The following NPAS3 variants were observed in gnomAD, a reference collection of about 807,000 sequenced individuals.
NPAS3 encodes neuronal PAS domain-containing protein 3.
NPAS3 carries 14 observed loss-of-function variants against 73.1 expected under a neutral mutation model. That is an observed-to-expected ratio of 0.19 (90% CI 0.13 to 0.30). The LOEUF (loss-of-function observed/expected upper bound fraction) is 0.30. Among genes scored for constraint, NPAS3 ranks in the 10% least tolerant of loss-of-function variants. The pLI is 1.00. For synonymous variants in NPAS3, 620 were observed against 541.5 expected, an observed-to-expected ratio of 1.14 and a Z score of -2.01; for missense variants, 1,096 against 1,250.0, an observed-to-expected ratio of 0.88 and a Z score of 1.86.
intron 6 of NPAS3, among the ~76,000 whole-genome samples, chr14:33,716,521 G>A (rs2060961536): frequency 6.6e-6 from 1 of 152,012 alleles, no homozygotes; most frequent in Non-Finnish European, 1.5e-5. Context: ...ATACATTTCA[G>A]TGGCATTAAG....
intron 5 of NPAS3, among the ~76,000 whole-genome samples, chr14:33,612,957 AAAAAAG>A (rs2057797148): frequency 6.6e-6 from 1 of 152,198 alleles, no homozygotes; most frequent in Non-Finnish European, 1.5e-5. Context: ...CCATCAACCA[AAAAAAG>A]AAAAAGAAAA....
Position 33,800,872 on chromosome 14 carries a change from C to A in NPAS3, c.2565C>A (p.Asp855Glu), listed in dbSNP as rs537106722. The A allele has an allele frequency of 3.1e-6, 5 of 1,606,028 alleles. No individual in the cohort carries two copies. Among genetic ancestry groups the A allele is most frequent in the Admixed American group, 3.4e-5 (2 of 59,360 alleles). ...ACGCGCACGCTGTTAACTTCGTGGA[C>A]GTTAACAGCCCCGGCTTTGGCCTCG... The change falls in exon 12 of 12, where the codon GAC (aspartate) becomes GAA (glutamate). Residue 855 changes from aspartate to glutamate, a missense_variant. Coordinates refer to ENST00000356141, the Ensembl canonical transcript of NPAS3. This position sits in a 1 kb window ranked among gnomAD's most constrained non-coding sequence, Gnocchi z 6.5.
chr14:33,788,149 GTAGAAAGTGTGATTC>G (rs1361967723), intron 9 of NPAS3, among the ~76,000 whole-genome samples: 2 of 152,190 alleles, frequency 1.3e-5, no homozygotes, highest in Non-Finnish European at 1.5e-5. Context: ...GTGGTATTAA[GTAGAAAGTGTGATTC>G]TAGCACACCC....
At chr14:33,287,770 C>T (rs922380950) in intron 3 of NPAS3, among the ~76,000 whole-genome samples, 1 of 152,096 alleles carries the variant, frequency 6.6e-6, no homozygotes, top group Non-Finnish European at 1.5e-5. Context: ...AAAATGGATA[C>T]TGAGACCAAA....
intron 2 of NPAS3, among the ~76,000 whole-genome samples, chr14:33,110,785 G>A (rs927759): frequency 0.1 from 15,597 of 152,146 alleles, 1,178 homozygotes; most frequent in East Asian, 0.4. Context: ...GTCCGGGGAC[G>A]GGAACCACAA....
intron 9 of NPAS3, among the ~76,000 whole-genome samples, chr14:33,786,284 A>G (rs1393398210): frequency 6.6e-6 from 1 of 152,248 alleles, no homozygotes; most frequent in Non-Finnish European, 1.5e-5. Context: ...AAAAATCTAC[A>G]TAACAGATGA....
chr14:33,502,199 G>A (rs558954496), intron 4 of NPAS3, among the ~76,000 whole-genome samples: 5 of 152,024 alleles, frequency 3.3e-5, no homozygotes, highest in East Asian at 1.9e-4. Flanking sequence ...AAACAGTGGG[G>A]TGATTTATGA....
At position 33,050,690 on chromosome 14, in the gene NPAS3, G is replaced by A. The variant is rs988551352; in HGVS notation, c.51-5215G>A. On this transcript the variant is annotated intron_variant, in intron 1 of 11. Transcript: ENST00000356141. Reference sequence around the variant, plus strand: ...TAGCCTATCTACAAGAAGAATGAAAGCATCACAGTGAAAGTCTTAAAAGAT... The same window carrying A: ...TAGCCTATCTACAAGAAGAATGAAAACATCACAGTGAAAGTCTTAAAAGAT... 2.6e-5 allele frequency among the ~76,000 whole-genome samples: 4 copies of A among 152,286 alleles called. 1 individual carries two copies. Among genetic ancestry groups the A allele is most frequent in the Non-Finnish European group, 2.9e-5 (2 of 68,026 alleles).
At chr14:32,936,226 G>C (rs2035690585), upstream of NPAS3, among the ~76,000 whole-genome samples, 1 of 151,942 alleles carries the variant, frequency 6.6e-6, no homozygotes, top group Non-Finnish European at 1.5e-5. Context: ...ATAACACACT[G>C]AGTGTTTTCC....
chr14:33,405,839 G>A (rs1824509592), intron 4 of NPAS3, among the ~76,000 whole-genome samples: 1 of 152,102 alleles, frequency 6.6e-6, no homozygotes, highest in Non-Finnish European at 1.5e-5. Context: ...GTCTATTAGT[G>A]AGGGTGTCTT....
chr14:33,363,307 T>A (rs58796486), intron 3 of NPAS3, among the ~76,000 whole-genome samples: 1 of 152,198 alleles, frequency 6.6e-6, no homozygotes, highest in African/African-American at 2.4e-5. Flanking sequence ...CGTGTGAGGT[T>A]ATGCTGAAGG....
intron 2 of NPAS3, among the ~76,000 whole-genome samples, chr14:33,081,631 A>C (rs2041866149): frequency 6.6e-6 from 1 of 152,212 alleles, no homozygotes; most frequent in African/African-American, 2.4e-5. Flanking sequence ...AAACATTTAG[A>C]CCTGGTTTAA....
chr14:32,993,172 A>G (rs75388218), intron 1 of NPAS3, among the ~76,000 whole-genome samples: 2,386 of 151,820 alleles, frequency 0.016, 63 homozygotes, highest in African/African-American at 0.054. Context: ...AAAAGGGAAA[A>G]TGGTGGTCTC....
intron 1 of NPAS3, among the ~76,000 whole-genome samples, chr14:32,967,771 T>G (rs554965726): frequency 6.8e-6 from 1 of 147,308 alleles, no homozygotes; most frequent in South Asian, 2.2e-4. Context: ...CAACAGCATG[T>G]GGGGGGGGGT....
chr14:33,460,918 C>T (rs112148868), intron 4 of NPAS3, among the ~76,000 whole-genome samples: 5 of 152,110 alleles, frequency 3.3e-5, no homozygotes, highest in African/African-American at 1.2e-4. Context: ...ACATTATTGG[C>T]CTACAACTTT....
At chr14:33,578,455 A>G in intron 5 of NPAS3, 1 of 341,284 alleles carries the variant, frequency 2.9e-6, no homozygotes, top group Non-Finnish European at 5.7e-6. Context: ...CAGCCTCCCA[A>G]AGTGCTGGGA....
At chr14:33,317,492 C>T (rs754595170) in intron 3 of NPAS3, among the ~76,000 whole-genome samples, 1 of 152,062 alleles carries the variant, frequency 6.6e-6, no homozygotes. Flanking sequence ...CAAATTTCAC[C>T]TTGAACTGTA....
At chr14:33,259,448 T>G (rs1002842854) in intron 3 of NPAS3, among the ~76,000 whole-genome samples, 2 of 152,232 alleles carry the variant, frequency 1.3e-5, no homozygotes, top group African/African-American at 4.8e-5. Context: ...TGATTTCACT[T>G]AAAATATTTT....
intron 3 of NPAS3, among the ~76,000 whole-genome samples, chr14:33,263,888 A>T (rs1440601609): frequency 6.6e-6 from 1 of 152,062 alleles, no homozygotes; most frequent in African/African-American, 2.4e-5. Context: ...AAGCAATTGC[A>T]AATGACCATT....
Sources: allele counts gnomAD v4.1 joint callset (sites outside exome capture counted in the v4.1 genomes callset), GRCh38; gene constraint gnomAD v4.1.1; non-coding constraint Gnocchi (gnomAD v3.1); transcripts MANE v1.5; gene names NCBI Gene and HGNC (gene_info 2026-07-23, HGNC 2026-07-21).